Variants in CENPK observed in about 807,000 individuals in gnomAD.
CENPK encodes centromere protein K.
A neutral mutation model predicts 40.9 loss-of-function variants in CENPK; 46 were observed. The observed-to-expected ratio is 1.13, with a 90% confidence interval of 0.89 to 1.44. The LOEUF (loss-of-function observed/expected upper bound fraction) is 1.44. Ranked by LOEUF, CENPK falls within the 40% of genes most tolerant of loss-of-function variation. The pLI is 0.00. For synonymous variants in CENPK, 107 were observed against 104.4 expected, an observed-to-expected ratio of 1.02 and a Z score of -0.15; for missense variants, 288 against 303.5, an observed-to-expected ratio of 0.95 and a Z score of 0.38.
At chr5:65,525,646 G>A (rs994464419) in intron 9 of CENPK, among the ~76,000 whole-genome samples, 1 of 152,140 alleles carries the variant, frequency 6.6e-6, no homozygotes, top group Non-Finnish European at 1.5e-5. Flanking sequence ...TTTATATGTG[G>A]AAGCCCTAAT....
intron 9 of CENPK, among the ~76,000 whole-genome samples, chr5:65,522,849 A>C (rs1307407672): frequency 6.6e-6 from 1 of 152,194 alleles, no homozygotes; most frequent in Admixed American, 6.5e-5. Flanking sequence ...TCTAGGTGTG[A>C]TTTGACTACC....
intron 5 of CENPK, among the ~76,000 whole-genome samples, chr5:65,547,495 T>C (rs1002379127): frequency 1.8e-4 from 28 of 151,924 alleles, no homozygotes; most frequent in Admixed American, 4.6e-4. Context: ...AAAATCACAA[T>C]TGTAATACTA....
chr5:65,513,429 A>T (rs531691964), downstream of CENPK, among the ~76,000 whole-genome samples: 35 of 152,334 alleles, frequency 2.3e-4, no homozygotes, highest in Admixed American at 9.8e-4. Context: ...CTACCCATGA[A>T]TATGGAATAT....
intron 5 of CENPK, among the ~76,000 whole-genome samples, chr5:65,549,774 G>A (rs745756523): frequency 2.0e-5 from 3 of 152,276 alleles, no homozygotes; most frequent in South Asian, 2.1e-4. Context: ...TGTGGATTAC[G>A]CTTTGGCTTA....
chr5:65,540,153 C>T (rs1345864372), intron 6 of CENPK, among the ~76,000 whole-genome samples: 3 of 152,186 alleles, frequency 2.0e-5, no homozygotes, highest in Non-Finnish European at 2.9e-5. Flanking sequence ...GACAATTTTT[C>T]AAACATTTAA....
At chr5:65,549,409 C>T (rs752484654) in intron 5 of CENPK, among the ~76,000 whole-genome samples, 40 of 152,164 alleles carry the variant, frequency 2.6e-4, no homozygotes, top group Non-Finnish European at 5.4e-4. Context: ...TCACCAGCTG[C>T]ACTAGTCCTT....
In CENPK at chr5:65,563,150, G is replaced by A. The variant is rs1265798087; in HGVS notation, c.-194C>T. 7.7e-6 allele frequency: 7 copies of A among 912,268 alleles called. No individual in the cohort carries two copies. Among genetic ancestry groups the A allele is most frequent in the Non-Finnish European group, 1.1e-5 (7 of 619,434 alleles). The allele number at this position is 912,268 out of a possible 1,614,324, so 56.5% of individuals were successfully genotyped here. A position where few individuals can be genotyped will look rare whatever the true frequency, so the allele number is the denominator to read the frequency against. On this transcript the variant is annotated 5_prime_UTR_variant, in exon 1 of 11. Transcript: ENST00000396679. ...CCTAGGCGCTGCGCAGGAAGCGCTT[G>A]CCAGCCCCGGACTTCTGCGCGCGCT... is the stretch of plus-strand genomic sequence containing the variant.
chr5:65,538,515 C>T (rs966571553), intron 6 of CENPK, among the ~76,000 whole-genome samples: 2 of 152,072 alleles, frequency 1.3e-5, no homozygotes, highest in African/African-American at 4.8e-5. Context: ...TTTCTCTTCT[C>T]ACTTTTACTA....
chr5:65,505,071 G>GT, the CENPK span, among the ~76,000 whole-genome samples: 8 of 152,042 alleles, frequency 5.3e-5, no homozygotes, highest in East Asian at 3.8e-4. Context: ...GGGACTACAG[G>GT]TATGTCCCAC....
At chr5:65,525,250 A>G (rs1196694523) in intron 9 of CENPK, among the ~76,000 whole-genome samples, 1 of 152,064 alleles carries the variant, frequency 6.6e-6, no homozygotes, top group East Asian at 1.9e-4. Flanking sequence ...ATGTAATCCC[A>G]GCTACTCAGG....
rs1747049867 is a variant in CENPK, at chr5:65,537,099, T to C, written c.288+5703A>G. 2.0e-5 allele frequency among the ~76,000 whole-genome samples: 3 copies of C among 152,284 alleles called. No individual in the cohort carries two copies. In the South Asian group the frequency reaches 6.2e-4, roughly 32 times the overall value. The stretch of plus-strand genomic sequence containing the variant: ...CAGCACCATGCTCTTAGATTCCCAA[T>C]CTTTTTAAGTTCTGCAGTTAAAAAA... On this transcript the variant is annotated intron_variant, in intron 6 of 10. Transcript: ENST00000396679.
chr5:65,504,932 G>GTTTA, the CENPK span, among the ~76,000 whole-genome samples: 7 of 152,112 alleles, frequency 4.6e-5, no homozygotes, highest in East Asian at 7.7e-4. Context: ...ATGTCAGAAA[G>GTTTA]TTTATTTATT....
intron 6 of CENPK, among the ~76,000 whole-genome samples, chr5:65,535,418 T>C (rs1746702910): frequency 6.6e-6 from 1 of 152,216 alleles, no homozygotes; most frequent in African/African-American, 2.4e-5. Context: ...TTTCTATGTC[T>C]AGAACCTTGG....
At chr5:65,537,461 C>G (rs1029036996) in intron 6 of CENPK, among the ~76,000 whole-genome samples, 2 of 152,256 alleles carry the variant, frequency 1.3e-5, no homozygotes, top group East Asian at 3.9e-4. Flanking sequence ...CCCGCCACCA[C>G]GCCCAGCTAA....
At chr5:65,551,960 A>AT (rs369700253) in intron 4 of CENPK, among the ~76,000 whole-genome samples, 7,028 of 125,238 alleles carry the variant, frequency 0.056, 290 homozygotes, top group African/African-American at 0.1. Context: ...CCTTTGTTCT[A>AT]TTTTTTTTTT....
At chr5:65,561,417 C>G in intron 2 of CENPK, 46 bp downstream of exon 2, 1 of 416,328 alleles carries the variant, frequency 2.4e-6, no homozygotes, top group Admixed American at 2.6e-5. Context: ...TTTAATGTGG[C>G]AGTAGAATAA....
chr5:65,543,644 AC>A (rs1452318565), intron 5 of CENPK, among the ~76,000 whole-genome samples: 1 of 152,190 alleles, frequency 6.6e-6, no homozygotes, highest in Non-Finnish European at 1.5e-5. Flanking sequence ...ACCATAATAT[AC>A]TGAGTGATTG....
intron 1 of CENPK, among the ~76,000 whole-genome samples, chr5:65,562,289 G>A (rs1752120496): frequency 6.6e-6 from 1 of 152,198 alleles, no homozygotes; most frequent in East Asian, 1.9e-4. Context: ...AGGCAAGAAC[G>A]AACAAGGGAA....
At chr5:65,547,219 C>G (rs764849357) in intron 5 of CENPK, among the ~76,000 whole-genome samples, 8 of 151,830 alleles carry the variant, frequency 5.3e-5, no homozygotes, top group Non-Finnish European at 1.0e-4. Context: ...ATGGCAAAAC[C>G]CCGTCTCTAC....
Sources: gnomAD v4.1 joint callset for allele counts (sites outside exome capture counted in the v4.1 genomes callset) on GRCh38, gnomAD v4.1.1 for gene constraint, MANE v1.5 for transcripts, NCBI Gene and HGNC (gene_info 2026-07-23, HGNC 2026-07-21) for gene names.